DNMT3A: variants seen among roughly 807,000 people sequenced by gnomAD.
DNMT3A encodes DNA (cytosine-5)-methyltransferase 3A.
DNMT3A carries 267 observed loss-of-function variants against 117.6 expected under a neutral mutation model. The observed-to-expected ratio is 2.27, with a 90% CI of 2.05 to 2.51. The LOEUF (loss-of-function observed/expected upper bound fraction) is 2.51, where lower values mean the gene tolerates loss of function less well. Among genes scored for constraint, DNMT3A ranks in the 30% most tolerant of loss-of-function variants. The pLI is 0.00. For missense variants in DNMT3A, 1,029 were observed against 1,260.2 expected (o/e 0.82, Z 2.78); for synonymous variants, 432 against 474.8 (o/e 0.91, Z 1.17).
At chr2:25,290,320 A>ATTTTTTTTTTTT (rs1249490029) in intron 3 of DNMT3A, among the ~76,000 whole-genome samples, 139 of 126,470 alleles carry the variant, frequency 1.1e-3, no homozygotes, top group Non-Finnish European at 1.7e-3. Flanking sequence ...TATGGAAGTG[A>ATTTTTTTTTTTT]TTTTTTTTTT....
chr2:25,246,327 G>C lies in DNMT3A; in HGVS notation c.1280-18C>G. ...CTTCTCTTCTGGAGGAGGAAAGCAG[G>C]TGCCAAGGTCAGTTACAGGCTGACA... On this transcript the variant is annotated intron_variant, in intron 10 of 22. Coordinates refer to ENST00000321117, the MANE Select transcript of DNMT3A (RefSeq NM_022552.5). 1 of 1,587,964 alleles carries C rather than the reference G, an allele frequency of 6.3e-7. No individual in the cohort carries two copies. Among genetic ancestry groups the C allele is most frequent in the South Asian group, 1.1e-5 (1 of 87,170 alleles).
intron 2 of DNMT3A, among the ~76,000 whole-genome samples, chr2:25,302,168 G>C (rs1024569991): frequency 1.3e-5 from 2 of 152,086 alleles, no homozygotes; most frequent in Non-Finnish European, 2.9e-5. Flanking sequence ...AGTCAAGCTG[G>C]AGAGAGGCAG....
rs1002568549 is a variant in DNMT3A at position 25,281,357 on chromosome 2, T to C, written c.448+1084A>G. ...TGAATAAGATTGTTAGAGGAGTAAATAAAACAACTAATACAGATTCCCTCT... is the reference window on the plus strand; with the variant it reads ...TGAATAAGATTGTTAGAGGAGTAAACAAAACAACTAATACAGATTCCCTCT... On this transcript the variant is annotated intron_variant, in intron 4 of 22. Coordinates refer to ENST00000321117, the MANE Select transcript of DNMT3A (RefSeq NM_022552.5). This position sits in a 1 kb window ranked among gnomAD's most constrained non-coding sequence, Gnocchi z 4.8. 5.9e-6 allele frequency: 5 copies of C among 852,978 alleles called. No homozygotes were observed. In the African/African-American group the frequency reaches 9.1e-5, roughly 16 times the overall value. The allele number at this position is 852,978 out of a possible 1,614,324, so 52.8% of individuals were successfully genotyped here.
chr2:25,330,940 C>T (rs1159855590), intron 1 of DNMT3A, among the ~76,000 whole-genome samples: 5 of 152,090 alleles, frequency 3.3e-5, no homozygotes, highest in Admixed American at 1.3e-4. Context: ...ATGGACCTTC[C>T]CAGGAAGGGG....
At chr2:25,297,502 G>A (rs1431223208) in intron 3 of DNMT3A, among the ~76,000 whole-genome samples, 1 of 149,378 alleles carries the variant, frequency 6.7e-6, no homozygotes, top group African/African-American at 2.5e-5. Context: ...AGCCAGCTCT[G>A]CATTGTTTTT....
chr2:25,296,512 T>C lies in DNMT3A; in HGVS notation c.177+3627A>G, dbSNP rs760774579. Among the ~76,000 whole-genome samples the C allele has an allele frequency of 3.2e-4, 48 of 152,302 alleles. No individual in the cohort carries two copies. Among genetic ancestry groups the C allele is most frequent in the Non-Finnish European group, 2.1e-4 (14 of 68,022 alleles). On this transcript the variant is annotated intron_variant, in intron 3 of 22. Transcript: ENST00000321117. The surrounding 1 kb of genome is among the most constrained non-coding windows in gnomAD (Gnocchi z 4.2). ...AAAAAATGGAGTCCCGGGGGGTTCC[T>C]GAAGAAGGACGTGCCGGTGCTACAT...
At chr2:25,300,938 A>G (rs1056825437) in intron 2 of DNMT3A, among the ~76,000 whole-genome samples, 1 of 150,828 alleles carries the variant, frequency 6.6e-6, no homozygotes, top group South Asian at 2.1e-4. Context: ...TCACAGATAC[A>G]CAATTACATT....
At position 25,329,673 on chromosome 2, in the gene DNMT3A, C is replaced by CCACACA. The variant is rs55905204; in HGVS notation, c.-178+12147_-178+12152dup. ...GGAGTCTCTCACAGTCATGCAGACCCCACACACACACACACACACACACAC... is the reference window on the plus strand; with the variant it reads ...GGAGTCTCTCACAGTCATGCAGACCCCACACACACACACACACACACACACACACAC... On this transcript the variant is annotated intron_variant, in intron 1 of 22. Coordinates refer to ENST00000321117, the MANE Select transcript of DNMT3A (RefSeq NM_022552.5). Among the ~76,000 whole-genome samples, 185 of 138,484 alleles carry CCACACA rather than the reference C, an allele frequency of 1.3e-3. 1 individual carries two copies. Among genetic ancestry groups the CCACACA allele is most frequent in the South Asian group, 4.5e-3 (20 of 4,478 alleles). 90.9% of individuals were successfully genotyped at this position (138,484 alleles called of 152,430 possible). A position where few individuals can be genotyped will look rare whatever the true frequency, so the allele number is the denominator to read the frequency against.
At chr2:25,320,769 T>C (rs2034560768) in intron 1 of DNMT3A, among the ~76,000 whole-genome samples, 1 of 152,210 alleles carries the variant, frequency 6.6e-6, no homozygotes, top group South Asian at 2.1e-4. Context: ...TGTGTACATA[T>C]ATATGTATAT....
chr2:25,328,873 G>C (rs2034898184), intron 1 of DNMT3A, among the ~76,000 whole-genome samples: 1 of 152,156 alleles, frequency 6.6e-6, no homozygotes, highest in Non-Finnish European at 1.5e-5. Context: ...TGAGGGCCTA[G>C]GCTATCAGTG....
At chr2:25,268,058 C>T (rs1006485428) in intron 6 of DNMT3A, among the ~76,000 whole-genome samples, 3 of 152,182 alleles carry the variant, frequency 2.0e-5, no homozygotes, top group Non-Finnish European at 4.4e-5. Flanking sequence ...CCTTAAGGTC[C>T]ATGAAGGCTC....
In DNMT3A at chr2:25,229,886, A is replaced by G. The variant is rs1672802656; in HGVS notation, c.*4393T>C. ...GAAATATTCCTTCTACTGCTGGAGA[A>G]GGTGGGTGTTCCCATCTAGGCTTCC... On this transcript the variant is annotated 3_prime_UTR_variant, in exon 23 of 23. Transcript: ENST00000321117. The G allele has an allele frequency of 6.6e-6, 1 of 152,246 alleles. No individual in the cohort carries two copies. The highest frequency in any genetic ancestry group is 1.5e-5 in the Non-Finnish European group (1 of 68,056). The allele number at this position is 152,246 out of a possible 1,614,324, so 9.4% of individuals were successfully genotyped here.
chr2:25,243,141 C>T (rs1024898169), intron 16 of DNMT3A, among the ~76,000 whole-genome samples: 2 of 152,102 alleles, frequency 1.3e-5, no homozygotes, highest in East Asian at 3.9e-4. Flanking sequence ...ACCGTCTCTA[C>T]TAAAAACACA....
chr2:25,278,829 C>CAAA, intron 4 of DNMT3A, among the ~76,000 whole-genome samples: 1 of 129,444 alleles, frequency 7.7e-6, no homozygotes, highest in South Asian at 2.5e-4. Context: ...GACGCTGTCT[C>CAAA]AAAAAAAAAA....
intron 3 of DNMT3A, among the ~76,000 whole-genome samples, chr2:25,283,402 A>G (rs1254227642): frequency 1.3e-5 from 2 of 150,030 alleles, no homozygotes; most frequent in Non-Finnish European, 3.0e-5. Context: ...GCCACCCATA[A>G]TCCAATAAGA....
In DNMT3A at chr2:25,293,178, C is replaced by G. The variant is rs1040059864; in HGVS notation, c.177+6961G>C. Among the ~76,000 whole-genome samples the G allele has an allele frequency of 2.6e-5, 4 of 152,150 alleles. No homozygotes were observed. Among genetic ancestry groups the G allele is most frequent in the African/African-American group, 9.7e-5 (4 of 41,432 alleles). On this transcript the variant is annotated intron_variant, in intron 3 of 22. Transcript: ENST00000321117. The surrounding 1 kb of genome is among the most constrained non-coding windows in gnomAD (Gnocchi z 4.7). ...CCCTGTTGTGCCATTGCTAGGGCTTCCTTTCACCCCTTCCTCTCCAGCGTT... is the reference window on the plus strand; with the variant it reads ...CCCTGTTGTGCCATTGCTAGGGCTTGCTTTCACCCCTTCCTCTCCAGCGTT...
At chr2:25,280,826 A>G (rs1007371652) in intron 4 of DNMT3A, among the ~76,000 whole-genome samples, 1 of 152,198 alleles carries the variant, frequency 6.6e-6, no homozygotes, top group Non-Finnish European at 1.5e-5. Flanking sequence ...TAGAAATGGA[A>G]GTAGGGAAAT....
rs1032342541 is a variant in DNMT3A, at chr2:25,327,079, T to C, written c.-177-12918A>G. Among the ~76,000 whole-genome samples the C allele has an allele frequency of 6.6e-6, 1 of 152,180 alleles. No individual in the cohort carries two copies. Among genetic ancestry groups the C allele is most frequent in the Non-Finnish European group, 1.5e-5 (1 of 68,024 alleles). On this transcript the variant is annotated intron_variant, in intron 1 of 22. Coordinates refer to ENST00000321117, the MANE Select transcript of DNMT3A (RefSeq NM_022552.5). The surrounding 1 kb of genome is among the most constrained non-coding windows in gnomAD (Gnocchi z 4.1). ...CACACCCTCTCCATCAAGGTGTGGA[T>C]CTCAACCCTGCGGGGCCTCTTCCTT...
intron 1 of DNMT3A, among the ~76,000 whole-genome samples, chr2:25,326,147 T>TGTGTGTGG (rs2034782042): frequency 6.7e-6 from 1 of 148,482 alleles, no homozygotes; most frequent in Admixed American, 6.7e-5. Context: ...TGTGTGTGTG[T>TGTGTGTGG]GTGTGGTGTG....
Sources: gnomAD v4.1 joint callset for allele counts (sites outside exome capture counted in the v4.1 genomes callset) on GRCh38, gnomAD v4.1.1 for gene constraint, Gnocchi (gnomAD v3.1) non-coding constraint, MANE v1.5 for transcripts, NCBI Gene and HGNC (gene_info 2026-07-23, HGNC 2026-07-21) for gene names.